The following FAAH2 variants were observed in gnomAD, a reference collection of about 807,000 sequenced individuals.
FAAH2 encodes the protein fatty-acid amide hydrolase 2.
A neutral mutation model predicts 36.9 loss-of-function variants in FAAH2; 60 were observed. That is an observed-to-expected ratio of 1.63 (90% confidence interval 1.32 to 2.02). The LOEUF (loss-of-function observed/expected upper bound fraction) is 2.02, where lower values mean the gene tolerates loss of function less well. Ranked by LOEUF, FAAH2 falls within the 30% of genes most tolerant of loss-of-function variation. FAAH2 has a pLI of 0.00. For missense variants in FAAH2, 689 were observed against 397.5 expected, an observed-to-expected ratio of 1.73 and a Z score of -6.23; for synonymous variants, 214 against 143.8, an observed-to-expected ratio of 1.49 and a Z score of -3.49.
At chrX:57,411,108 C>T (rs748295866) in intron 7 of FAAH2, among the ~76,000 whole-genome samples, 6 of 111,904 alleles carry the variant, frequency 5.4e-5, no homozygotes, top group African/African-American at 2.0e-4. Flanking sequence ...GTGAGCCCAG[C>T]CAGATATTCT....
At chrX:57,393,599 T>C in intron 7 of FAAH2, 1 of 897,893 alleles carries the variant, frequency 1.1e-6, no homozygotes, top group Non-Finnish European at 1.6e-6. Context: ...GATTGTGTCC[T>C]TCATAAGCAC....
At chrX:57,155,913 G>A in the FAAH2 span, among the ~76,000 whole-genome samples, 1 of 111,748 alleles carries the variant, frequency 8.9e-6, no homozygotes. Context: ...CTCAAGGCAA[G>A]GTGAAATCCT....
At chrX:57,325,311 G>C (rs1411712974) in intron 3 of FAAH2, among the ~76,000 whole-genome samples, 1 of 110,953 alleles carries the variant, frequency 9.0e-6, no homozygotes, top group Middle Eastern at 4.3e-3. Context: ...TTTTTTGGTT[G>C]TGTCTCTGCC....
the FAAH2 span, among the ~76,000 whole-genome samples, chrX:57,269,112 CA>C: frequency 9.0e-6 from 1 of 111,218 alleles, no homozygotes; most frequent in Non-Finnish European, 1.9e-5. Context: ...AACTGACAAG[CA>C]TCAAAAAGGA....
rs750628620 is a variant in FAAH2 at position 57,488,884 on chromosome X, G to C, written c.1551G>C (p.Gln517His). The change falls in exon 11 of 11, where the codon CAG becomes CAC. Residue 517 changes from glutamine to histidine, a missense_variant. Coordinates refer to ENST00000374900, the MANE Select transcript of FAAH2 (RefSeq NM_174912.4). ...ATCATCTGACCCTGGCTGTGGCCCA[G>C]TACTTGGAGAAAACTTTTGGGGGCT... ...FNDHLTLAVAQYLEKTFGGWV... is the reference protein window; with the variant it reads ...FNDHLTLAVAHYLEKTFGGWV... 3.3e-6 allele frequency: 4 copies of C among 1,208,898 alleles called. No individual in the cohort carries two copies. Among genetic ancestry groups the C allele is most frequent in the African/African-American group, 3.5e-5 (2 of 56,889 alleles).
At chrX:57,340,162 G>T (rs1190016265) in intron 4 of FAAH2, among the ~76,000 whole-genome samples, 2 of 111,860 alleles carry the variant, frequency 1.8e-5, no homozygotes, top group Non-Finnish European at 3.8e-5. Context: ...AAAAGCTGAA[G>T]AACTTGGGGT....
intron 2 of FAAH2, among the ~76,000 whole-genome samples, chrX:57,296,556 C>A (rs2146815658): frequency 8.9e-6 from 1 of 112,044 alleles, no homozygotes; most frequent in African/African-American, 3.2e-5. Flanking sequence ...CACTCCTCTT[C>A]CAAAGGAATG....
At chrX:57,250,219 C>T in the FAAH2 span, among the ~76,000 whole-genome samples, 2 of 112,065 alleles carry the variant, frequency 1.8e-5, no homozygotes, top group African/African-American at 6.5e-5. Flanking sequence ...AACTAAACTC[C>T]TTCAAATACT....
intron 7 of FAAH2, among the ~76,000 whole-genome samples, chrX:57,418,912 C>G (rs748579752): frequency 1.1e-5 from 1 of 94,945 alleles, no homozygotes; most frequent in African/African-American, 3.9e-5. Context: ...GTTCCCCTTC[C>G]TGTGTCCATG....
chrX:57,430,015 A>G (rs1485351586), intron 7 of FAAH2, among the ~76,000 whole-genome samples: 1 of 111,310 alleles, frequency 9.0e-6, no homozygotes, highest in Non-Finnish European at 1.9e-5. Flanking sequence ...AAAATAATAG[A>G]CACTGGAGAC....
At chrX:57,440,664 A>T (rs1404633845) in intron 8 of FAAH2, among the ~76,000 whole-genome samples, 1 of 111,826 alleles carries the variant, frequency 8.9e-6, no homozygotes, top group Non-Finnish European at 1.9e-5. Context: ...GAGAGAGGGC[A>T]TCCCTGTCTT....
At chrX:57,265,321 G>C in the FAAH2 span, among the ~76,000 whole-genome samples, 1 of 111,645 alleles carries the variant, frequency 9.0e-6, no homozygotes, top group African/African-American at 3.3e-5. Flanking sequence ...GAATCCAGGG[G>C]GCCAAGCTGC....
chrX:57,374,201 C>G (rs555210387), intron 5 of FAAH2, among the ~76,000 whole-genome samples: 35 of 111,413 alleles, frequency 3.1e-4, no homozygotes, highest in Middle Eastern at 9.2e-3. Flanking sequence ...TATGCAGATA[C>G]TTTTTGGGTC....
At chrX:57,388,624 C>T (rs1034404568) in intron 7 of FAAH2, among the ~76,000 whole-genome samples, 1 of 111,133 alleles carries the variant, frequency 9.0e-6, no homozygotes, top group African/African-American at 3.3e-5. Context: ...TAACTAAACT[C>T]CATAGTTTAC....
intron 4 of FAAH2, among the ~76,000 whole-genome samples, chrX:57,332,572 CA>C (rs1313249877): frequency 8.9e-6 from 1 of 111,755 alleles, no homozygotes; most frequent in Non-Finnish European, 1.9e-5. Flanking sequence ...TCAGGGGAAC[CA>C]GCACAGCTTT....
chrX:57,488,890 G>A lies in FAAH2; in HGVS notation c.1557G>A (p.Leu519=). ...DHLTLAVAQY[L]EKTFGGWVCP... Reference sequence around the variant, plus strand: ...TGACCCTGGCTGTGGCCCAGTACTTGGAGAAAACTTTTGGGGGCTGGGTCT... The same window carrying A: ...TGACCCTGGCTGTGGCCCAGTACTTAGAGAAAACTTTTGGGGGCTGGGTCT... The change falls in exon 11 of 11, where the codon TTG becomes TTA. Residue 519 remains leucine (L), a synonymous_variant. Coordinates refer to ENST00000374900, the MANE Select transcript of FAAH2 (RefSeq NM_174912.4). The A allele has an allele frequency of 8.3e-7, 1 of 1,210,862 alleles. No homozygotes were observed. Among genetic ancestry groups the A allele is most frequent in the African/African-American group, 1.7e-5 (1 of 57,629 alleles).
the FAAH2 span, among the ~76,000 whole-genome samples, chrX:57,206,039 A>G: frequency 8.9e-6 from 1 of 112,096 alleles, no homozygotes; most frequent in Non-Finnish European, 1.9e-5. Flanking sequence ...TAACACCAGC[A>G]GGTGAATGCT....
In FAAH2 at chrX:57,489,011, C is replaced by T; in HGVS notation, c.*79C>T. 1.0e-6 allele frequency: 1 copy of T among 960,764 alleles called. No individual in the cohort carries two copies. The allele number at this position is 960,764 out of a possible 1,213,427, so 79.2% of individuals were successfully genotyped here. A position where few individuals can be genotyped will look rare whatever the true frequency, so the allele number is the denominator to read the frequency against. ...TTTCTATTAATTGGGTGAAATCAAG[C>T]ACCAGCAGACAAGCAGAGAAACAAC... On this transcript the variant is annotated 3_prime_UTR_variant, in exon 11 of 11. Coordinates refer to ENST00000374900, the MANE Select transcript of FAAH2 (RefSeq NM_174912.4).
At chrX:57,395,820 T>C (rs1013316387) in intron 7 of FAAH2, among the ~76,000 whole-genome samples, 2 of 111,947 alleles carry the variant, frequency 1.8e-5, no homozygotes, top group African/African-American at 6.5e-5. Flanking sequence ...TTTTTTATTC[T>C]TTCCTTGCAT....
Sources: allele counts gnomAD v4.1 joint callset (sites outside exome capture counted in the v4.1 genomes callset), GRCh38; gene constraint gnomAD v4.1.1; transcripts MANE v1.5; gene names NCBI Gene and HGNC (gene_info 2026-07-23, HGNC 2026-07-21).